Variants in PDE4B observed in about 807,000 individuals in gnomAD.
The protein encoded by PDE4B is 3',5'-cyclic-AMP phosphodiesterase 4B.
In PDE4B, 20 loss-of-function variants were observed where a neutral mutation model predicts 82.2. The observed-to-expected ratio is 0.24, with a 90% CI of 0.17 to 0.35. The LOEUF (loss-of-function observed/expected upper bound fraction) is 0.35, where lower values mean the gene tolerates loss of function less well. PDE4B is among the 10% of genes least tolerant of loss of function. The pLI, the probability that PDE4B is intolerant of heterozygous loss-of-function variation, is 1.00. For missense variants in PDE4B, 655 were observed against 907.2 expected (o/e 0.72, Z 3.57); for synonymous variants, 320 against 318.9 (o/e 1.00, Z -0.04).
intron 7 of PDE4B, among the ~76,000 whole-genome samples, chr1:66,306,019 C>G (rs12040966): frequency 6.6e-6 from 1 of 151,996 alleles, no homozygotes. Context: ...TCAAGGAAGC[C>G]TGATGTAGGC....
chr1:65,938,218 C>G (rs1201097119), intron 3 of PDE4B, among the ~76,000 whole-genome samples: 1 of 152,146 alleles, frequency 6.6e-6, no homozygotes, highest in Non-Finnish European at 1.5e-5. Context: ...ACACAAATCC[C>G]TGTCCTCTAG....
intron 7 of PDE4B, among the ~76,000 whole-genome samples, chr1:66,320,902 G>A (rs549577452): frequency 6.7e-4 from 102 of 152,300 alleles, no homozygotes; most frequent in African/African-American, 2.4e-3. Flanking sequence ...AGATAAGGAA[G>A]AGCTAGCCAG....
At chr1:66,171,860 T>C (rs887261327) in intron 3 of PDE4B, among the ~76,000 whole-genome samples, 1 of 152,208 alleles carries the variant, frequency 6.6e-6, no homozygotes, top group Admixed American at 6.5e-5. Context: ...AATTGATATG[T>C]GACTCATTGT....
At chr1:65,829,781 G>A (rs1351744944) in intron 1 of PDE4B, among the ~76,000 whole-genome samples, 1 of 152,152 alleles carries the variant, frequency 6.6e-6, no homozygotes, top group Non-Finnish European at 1.5e-5. Flanking sequence ...AGATAACCAA[G>A]GGGAGGAGAA....
intron 3 of PDE4B, among the ~76,000 whole-genome samples, chr1:66,056,485 C>CATCT (rs1553138871): frequency 1.7e-3 from 251 of 143,676 alleles, no homozygotes; most frequent in Non-Finnish European, 1.8e-3. Flanking sequence ...ATCTATCTAT[C>CATCT]ATCTATCTAT....
intron 3 of PDE4B, among the ~76,000 whole-genome samples, chr1:66,153,265 C>G (rs1646438952): frequency 1.3e-5 from 2 of 152,170 alleles, no homozygotes; most frequent in African/African-American, 4.8e-5. Flanking sequence ...ACCCAGTTGT[C>G]AAATTCCTAC....
At chr1:66,212,430 C>T (rs536504774) in intron 3 of PDE4B, among the ~76,000 whole-genome samples, 1 of 152,128 alleles carries the variant, frequency 6.6e-6, no homozygotes, top group Non-Finnish European at 1.5e-5. Context: ...CCAATATCCA[C>T]GTGAAAACTC....
chr1:65,861,672 A>G (rs978841740), intron 1 of PDE4B, among the ~76,000 whole-genome samples: 2 of 152,180 alleles, frequency 1.3e-5, no homozygotes, highest in African/African-American at 2.4e-5. Flanking sequence ...GATTTTTCCT[A>G]TCCATGAGAG....
chr1:65,916,922 T>C (rs1412171442), intron 2 of PDE4B, among the ~76,000 whole-genome samples: 8 of 152,304 alleles, frequency 5.3e-5, no homozygotes, highest in African/African-American at 1.9e-4. Context: ...GAACTATGAT[T>C]CTACTGAATT....
chr1:65,917,767 G>GA (rs996668709), intron 2 of PDE4B, among the ~76,000 whole-genome samples: 94 of 150,694 alleles, frequency 6.2e-4, no homozygotes, highest in African/African-American at 2.2e-3. Flanking sequence ...TACACAATTT[G>GA]AAAAAAAAAT....
chr1:65,853,075 A>G lies in PDE4B; in HGVS notation c.-71+59827A>G, dbSNP rs369639305. 4.1e-3 allele frequency among the ~76,000 whole-genome samples: 622 copies of G among 152,210 alleles called. 3 individuals carry two copies. Among genetic ancestry groups the G allele is most frequent in the African/African-American group, 0.014 (573 of 41,556 alleles). The stretch of plus-strand genomic sequence containing the variant: ...TTTTTGAAGTTCTGTTATTAGGTGC[A>G]TACAAATTTATAATTTCTATGCCCT... On this transcript the variant is annotated intron_variant, in intron 1 of 16. Coordinates refer to ENST00000341517, the MANE Select transcript of PDE4B (RefSeq NM_002600.4).
intron 2 of PDE4B, among the ~76,000 whole-genome samples, chr1:65,916,528 A>G (rs1051520835): frequency 5.3e-5 from 8 of 152,168 alleles, no homozygotes; most frequent in African/African-American, 1.9e-4. Context: ...CATAAGAGAT[A>G]AAGTATATAT....
intron 3 of PDE4B, among the ~76,000 whole-genome samples, chr1:66,060,415 C>G (rs977640045): frequency 3.9e-5 from 6 of 152,142 alleles, no homozygotes; most frequent in Admixed American, 3.9e-4. Context: ...AAATGTAGCA[C>G]TCTTTATGTG....
At chr1:66,279,725 A>G (rs962324184) in intron 7 of PDE4B, among the ~76,000 whole-genome samples, 2 of 152,196 alleles carry the variant, frequency 1.3e-5, no homozygotes, top group South Asian at 4.1e-4. Flanking sequence ...TCATGAAATT[A>G]TAGTGGTTGA....
At chr1:66,172,612 A>G (rs1180139537) in intron 3 of PDE4B, among the ~76,000 whole-genome samples, 1 of 152,160 alleles carries the variant, frequency 6.6e-6, no homozygotes. Context: ...CATCAGAAGT[A>G]TTGTTTTTTG....
chr1:66,116,807 C>T (rs752728743), intron 3 of PDE4B, among the ~76,000 whole-genome samples: 6 of 152,172 alleles, frequency 3.9e-5, no homozygotes, highest in Non-Finnish European at 8.8e-5. Context: ...TCAAGCAATC[C>T]TCCATCCTCG....
At chr1:66,108,723 A>G (rs969780551) in intron 3 of PDE4B, among the ~76,000 whole-genome samples, 8 of 151,964 alleles carry the variant, frequency 5.3e-5, no homozygotes, top group Non-Finnish European at 8.8e-5. Context: ...TCATTTCAGT[A>G]TCTTTTATTA....
At chr1:66,242,249 C>T (rs1285491878) in intron 3 of PDE4B, among the ~76,000 whole-genome samples, 3 of 152,120 alleles carry the variant, frequency 2.0e-5, no homozygotes, top group Admixed American at 1.3e-4. Context: ...TTGGATCCTC[C>T]ATTTTCTCTT....
intron 1 of PDE4B, among the ~76,000 whole-genome samples, chr1:65,823,664 C>T (rs1445730939): frequency 1.3e-5 from 2 of 152,138 alleles, no homozygotes; most frequent in South Asian, 4.1e-4. Flanking sequence ...TCATCTAACT[C>T]CCTTGTTCAG....
Sources: gnomAD v4.1 joint callset for allele counts (sites outside exome capture counted in the v4.1 genomes callset) on GRCh38, gnomAD v4.1.1 for gene constraint, MANE v1.5 for transcripts, NCBI Gene and HGNC (gene_info 2026-07-23, HGNC 2026-07-21) for gene names.